The following ST7 variants were observed in gnomAD, a reference collection of about 807,000 sequenced individuals.
ST7 encodes suppressor of tumorigenicity 7 protein.
In ST7, 28 loss-of-function variants were observed where a neutral mutation model predicts 78.7. That is an observed-to-expected ratio of 0.36 (90% CI 0.26 to 0.49). The LOEUF (loss-of-function observed/expected upper bound fraction) is 0.49, where lower values mean the gene tolerates loss of function less well. ST7 is among the 20% of genes least tolerant of loss of function. ST7 has a pLI of 0.99. For missense variants in ST7, 418 were observed against 696.0 expected, an observed-to-expected ratio of 0.60 and a Z score of 4.49; for synonymous variants, 247 against 249.6, an observed-to-expected ratio of 0.99 and a Z score of 0.10.
chr7:117,178,534 G>A lies in ST7; in HGVS notation c.1078+7558G>A, dbSNP rs114672385. 3.2e-3 allele frequency among the ~76,000 whole-genome samples: 483 copies of A among 152,224 alleles called. 2 individuals are homozygous for A. The highest frequency in any genetic ancestry group is 0.014 in the Middle Eastern group (4 of 294). The stretch of plus-strand genomic sequence containing the variant: ...GAATTGATACATAAGATCCCACTAC[G>A]ACACAGTGTTCTCATTTGTGAGATG... On this transcript the variant is annotated intron_variant, in intron 10 of 15. Transcript: ENST00000323984.
chr7:117,205,818 G>T (rs1325391572), intron 12 of ST7, among the ~76,000 whole-genome samples: 1 of 152,216 alleles, frequency 6.6e-6, no homozygotes, highest in Non-Finnish European at 1.5e-5. Context: ...AGATCAGTGT[G>T]ATTTTATCTG....
intron 4 of ST7, among the ~76,000 whole-genome samples, chr7:117,130,243 G>A (rs561823955): frequency 1.6e-4 from 25 of 151,998 alleles, no homozygotes; most frequent in African/African-American, 5.3e-4. Context: ...ATGAATTAGG[G>A]AAGGTTTTCA....
chr7:117,141,872 G>C (rs930547971), intron 9 of ST7, among the ~76,000 whole-genome samples: 7 of 151,918 alleles, frequency 4.6e-5, no homozygotes, highest in Non-Finnish European at 1.5e-5. Context: ...GTTTTGCTAT[G>C]TTGCCCAGGC....
chr7:117,064,210 C>G (rs531634850), intron 1 of ST7, among the ~76,000 whole-genome samples: 1 of 151,798 alleles, frequency 6.6e-6, no homozygotes, highest in South Asian at 2.1e-4. Flanking sequence ...TTATATTATC[C>G]TACTTAACAT....
At chr7:117,078,828 A>G (rs952658292) in intron 1 of ST7, among the ~76,000 whole-genome samples, 2 of 152,224 alleles carry the variant, frequency 1.3e-5, no homozygotes, top group African/African-American at 4.8e-5. Flanking sequence ...AATTAGCTGT[A>G]ACTCAGCAAT....
intron 10 of ST7, among the ~76,000 whole-genome samples, chr7:117,173,215 A>G (rs1186544854): frequency 6.6e-6 from 1 of 152,186 alleles, no homozygotes; most frequent in Non-Finnish European, 1.5e-5. Flanking sequence ...TATTCATGGA[A>G]AAAGAGCCTC....
intron 10 of ST7, among the ~76,000 whole-genome samples, chr7:117,173,737 C>A (rs1269903883): frequency 6.6e-6 from 1 of 152,138 alleles, no homozygotes; most frequent in Non-Finnish European, 1.5e-5. Context: ...GTCCTTTTTA[C>A]TAATTGGAAT....
intron 1 of ST7, among the ~76,000 whole-genome samples, chr7:116,961,253 T>C (rs2116166136): frequency 6.6e-6 from 1 of 152,326 alleles, no homozygotes; most frequent in South Asian, 2.1e-4. Context: ...AGTAGCATGA[T>C]GCCTCCAGCT....
intron 1 of ST7, among the ~76,000 whole-genome samples, chr7:116,969,080 TTC>T (rs1240508136): frequency 6.6e-6 from 1 of 152,226 alleles, no homozygotes; most frequent in Non-Finnish European, 1.5e-5. Flanking sequence ...TCATATTGCT[TTC>T]TCTCTCTTTT....
chr7:117,105,924 C>A (rs1418028297), intron 2 of ST7, among the ~76,000 whole-genome samples: 1 of 151,926 alleles, frequency 6.6e-6, no homozygotes, highest in Admixed American at 6.6e-5. Context: ...CTAAGCCATT[C>A]GTTTTTCAGA....
chr7:116,973,697 T>G (rs1041395508), intron 1 of ST7, among the ~76,000 whole-genome samples: 1 of 152,242 alleles, frequency 6.6e-6, no homozygotes, highest in African/African-American at 2.4e-5. Flanking sequence ...CAATAATGTA[T>G]AGTTATTTTG....
chr7:117,102,267 G>A (rs565451512), intron 2 of ST7, among the ~76,000 whole-genome samples: 33 of 152,260 alleles, frequency 2.2e-4, no homozygotes, highest in African/African-American at 5.8e-4. Flanking sequence ...TTGTCGGGGC[G>A]GGGGCAGGAA....
intron 1 of ST7, among the ~76,000 whole-genome samples, chr7:117,049,308 AG>A: frequency 6.6e-6 from 1 of 152,284 alleles, no homozygotes; most frequent in East Asian, 1.9e-4. Flanking sequence ...AAACCTGTTC[AG>A]GTAGGTATCC....
intron 1 of ST7, among the ~76,000 whole-genome samples, chr7:117,041,143 T>C (rs1424405879): frequency 6.6e-6 from 1 of 152,204 alleles, no homozygotes; most frequent in Non-Finnish European, 1.5e-5. Flanking sequence ...GTGATGTTTG[T>C]GCAAGGATAT....
At chr7:117,002,721 G>C (rs1480304492) in intron 1 of ST7, among the ~76,000 whole-genome samples, 1 of 142,578 alleles carries the variant, frequency 7.0e-6, no homozygotes, top group Non-Finnish European at 1.5e-5. Flanking sequence ...ACTGAATGAA[G>C]AAATTATGCA....
chr7:117,105,173 A>G (rs940249973), intron 2 of ST7, among the ~76,000 whole-genome samples: 2 of 152,258 alleles, frequency 1.3e-5, no homozygotes, highest in Admixed American at 1.3e-4. Context: ...TTGCAGCAAC[A>G]TGGATGGAAC....
chr7:117,112,536 AAAAGT>A (rs1802521520), intron 2 of ST7: 1 of 152,230 alleles, frequency 6.6e-6, no homozygotes, highest in South Asian at 2.1e-4. Context: ...CCTCTTATTC[AAAAGT>A]AAAGGAGCGG....
At chr7:117,192,266 A>G (rs577845273) in intron 12 of ST7, among the ~76,000 whole-genome samples, 1 of 152,354 alleles carries the variant, frequency 6.6e-6, no homozygotes, top group African/African-American at 2.4e-5. Context: ...ATTGAATGCC[A>G]TTCTCTACAG....
chr7:117,179,469 C>T (rs1289052293), intron 10 of ST7, among the ~76,000 whole-genome samples: 1 of 152,166 alleles, frequency 6.6e-6, no homozygotes. Flanking sequence ...TACACTTTAG[C>T]CCAGGATGGA....
Sources: gnomAD v4.1 joint callset for allele counts (sites outside exome capture counted in the v4.1 genomes callset) on GRCh38, gnomAD v4.1.1 for gene constraint, MANE v1.5 for transcripts, NCBI Gene and HGNC (gene_info 2026-07-23, HGNC 2026-07-21) for gene names.